Variants in SSC5D observed in about 807,000 individuals in gnomAD.
SSC5D encodes the protein scavenger receptor cysteine rich family member with 5 domains.
SSC5D carries 106 observed loss-of-function variants against 104.6 expected under a neutral mutation model. The ratio of observed to expected loss-of-function variants is 1.01; its 90% CI spans 0.87 to 1.19. The LOEUF is 1.19. SSC5D is among the 50% of genes most tolerant of loss of function. The probability of loss-of-function intolerance (pLI) is 0.00; values close to 1 mark genes in which losing one functional copy is unlikely to be tolerated. For synonymous variants in SSC5D, 860 were observed against 883.5 expected (o/e 0.97, Z 0.47); for missense variants, 1,993 against 2,153.8 (o/e 0.93, Z 1.48).
chr19:55,502,655 ATT>A (rs912103769), intron 12 of SSC5D, among the ~76,000 whole-genome samples: 1 of 151,762 alleles, frequency 6.6e-6, no homozygotes, highest in Non-Finnish European at 1.5e-5. Context: ...TTCATGGTAA[ATT>A]TCTCTCTCTC....
At position 55,517,402 on chromosome 19, in the gene SSC5D, TGACGCTCCG is replaced by T; in HGVS notation, c.3130_3138del (p.Ala1044_Asp1046del). On this transcript the variant is annotated inframe_deletion, in exon 14 of 14. Coordinates refer to ENST00000389623, the MANE Select transcript of SSC5D (RefSeq NM_001144950.2). ...CAGCCTTGACGTCCGAGGCGACCTC[TGACGCTCCG>T]GACACTTCACCACCCACCCCAGACC... is the stretch of plus-strand genomic sequence containing the variant. The T allele has an allele frequency of 6.4e-7, 1 of 1,550,862 alleles. No homozygotes were observed. The highest frequency in any genetic ancestry group is 8.7e-7 in the Non-Finnish European group (1 of 1,146,962).
intron 7 of SSC5D, 35 bp downstream of exon 7, chr19:55,493,947 C>A (rs1047257735): frequency 4.0e-6 from 4 of 1,002,378 alleles, no homozygotes; most frequent in Admixed American, 4.1e-5. Context: ...GGGAGGTGGG[C>A]GTGGTGGTGC....
chr19:55,489,829 G>A, intron 3 of SSC5D, 53 bp from the exon 4 acceptor site: 1 of 1,513,914 alleles, frequency 6.6e-7, no homozygotes, highest in Non-Finnish European at 9.0e-7. Context: ...GACCCAAATG[G>A]CCTGGATTCC....
Position 55,519,054 on chromosome 19 carries a change from A to G in SSC5D, c.*56A>G. 1 of 1,492,866 alleles carries G rather than the reference A, an allele frequency of 6.7e-7. No homozygotes were observed. Among genetic ancestry groups the G allele is most frequent in the Non-Finnish European group, 8.9e-7 (1 of 1,117,754 alleles). 92.5% of individuals were successfully genotyped at this position (1,492,866 alleles called of 1,614,324 possible). On this transcript the variant is annotated 3_prime_UTR_variant, in exon 14 of 14. Transcript: ENST00000389623. ...CCCCCAACCAAAAAAAACAAAAACA[A>G]AAAAAACCCCCAAAGTATCTAATTA...
chr19:55,488,492 C>G lies in SSC5D; in HGVS notation c.-98C>G, dbSNP rs1306186014. The G allele has an allele frequency of 4.3e-6, 5 of 1,160,704 alleles. No homozygotes were observed. Among genetic ancestry groups the G allele is most frequent in the Non-Finnish European group, 6.2e-6 (5 of 800,088 alleles). The allele number at this position is 1,160,704 out of a possible 1,614,324, so 71.9% of individuals were successfully genotyped here. On this transcript the variant is annotated 5_prime_UTR_variant, in exon 1 of 14. Coordinates refer to ENST00000389623, the MANE Select transcript of SSC5D (RefSeq NM_001144950.2). ...CCTCCTCGGGCCTGGGCGCCTCCAG[C>G]AGGCACTTCCCTCCCTCCCTCTCTC... is the stretch of plus-strand genomic sequence containing the variant.
Position 55,491,407 on chromosome 19 carries a change from T to A in SSC5D, c.895+327T>A, listed in dbSNP as rs574246790. 20 of 291,156 alleles carry A rather than the reference T, an allele frequency of 6.9e-5. No homozygotes were observed. The South Asian group carries it at 1.3e-3, about 18-fold the overall frequency. 18.0% of individuals were successfully genotyped at this position (291,156 alleles called of 1,614,324 possible). On this transcript the variant is annotated intron_variant, in intron 6 of 13. Transcript: ENST00000389623. ...ATGCCTGCCTCAGGCTTGAGCCAAG[T>A]CCTGGAACGCAAGAAGCCCTGCCTG...
rs1987951554 is a variant in SSC5D at position 55,518,667 on chromosome 19, G to A, written c.4391G>A (p.Gly1464Asp). The change falls in exon 14 of 14, where the codon GGT (glycine) becomes GAT (aspartate). Residue 1464 changes from glycine (G) to aspartate (D), a missense_variant. Around this residue, in one of 6 missense-constraint regions of SSC5D, gnomAD observed 349 missense variants for 397.6 expected, o/e 0.88. Transcript: ENST00000389623. The stretch of plus-strand genomic sequence containing the variant: ...CCCCTCACCCTAGGGCCAACTCCTG[G>A]TCAGAGCCCAGGCCCCCATGGTCCA... ...LDPLTLGPTP[G>D]QSPGPHGPCV... 1 of 1,545,706 alleles carries A rather than the reference G, an allele frequency of 6.5e-7. No homozygotes were observed. The highest frequency in any genetic ancestry group is 1.2e-5 in the South Asian group (1 of 83,238).
chr19:55,511,975 A>T (rs28603271), intron 12 of SSC5D, among the ~76,000 whole-genome samples: 26,971 of 151,944 alleles, frequency 0.18, 2,546 homozygotes, highest in East Asian at 0.24. Flanking sequence ...CAAGCTTGTG[A>T]GTGGGTAAAC....
chr19:55,490,794 C>G lies in SSC5D; in HGVS notation c.609C>G (p.Gly203=). The stretch of plus-strand genomic sequence containing the variant: ...CAGAGCGGCTGCGCCTGGTCTCTGG[C>G]CCCCACAGGTGCGCCGGACGCCTGG... ...PRQERLRLVS[G]PHRCAGRLEV... The change falls in exon 6 of 14, where the codon GGC becomes GGG. Residue 203 remains glycine, a synonymous_variant. Coordinates refer to ENST00000389623, the MANE Select transcript of SSC5D (RefSeq NM_001144950.2). 6.5e-7 allele frequency: 1 copy of G among 1,541,740 alleles called. No homozygotes were observed. Among genetic ancestry groups the G allele is most frequent in the Non-Finnish European group, 8.7e-7 (1 of 1,144,200 alleles).
At position 55,500,889 on chromosome 19, in the gene SSC5D, G is replaced by C; in HGVS notation, c.2617+85G>C. On this transcript the variant is annotated intron_variant, in intron 11 of 13. Coordinates refer to ENST00000389623, the MANE Select transcript of SSC5D (RefSeq NM_001144950.2). This position sits in a 1 kb window ranked among gnomAD's most constrained non-coding sequence, Gnocchi z 4.6. The stretch of plus-strand genomic sequence containing the variant: ...GGTGGGGCCAGGTGACGGCACCATG[G>C]TCGACTCTAAAGAACTGGGTATGAG... 6.7e-7 allele frequency: 1 copy of C among 1,498,732 alleles called. No individual in the cohort carries two copies. The highest frequency in any genetic ancestry group is 9.0e-7 in the Non-Finnish European group (1 of 1,113,666). The allele number at this position is 1,498,732 out of a possible 1,614,324, so 92.8% of individuals were successfully genotyped here. A position where few individuals can be genotyped will look rare whatever the true frequency, so the allele number is the denominator to read the frequency against.
chr19:55,491,188 G>A lies in SSC5D; in HGVS notation c.895+108G>A, dbSNP rs114803625. 3,419 of 1,275,546 alleles carry A rather than the reference G, an allele frequency of 2.7e-3. 82 individuals carry two copies. In the African/African-American group the frequency reaches 0.045, roughly 17 times the overall value. 79.0% of individuals were successfully genotyped at this position (1,275,546 alleles called of 1,614,324 possible). A position where few individuals can be genotyped will look rare whatever the true frequency, so the allele number is the denominator to read the frequency against. ...CTGCTCCCAGCTCTGCCTCCTGCCC[G>A]CCTGCTCTCTGCATGCCCAGCGCCC... On this transcript the variant is annotated intron_variant, in intron 6 of 13. Transcript: ENST00000389623.
intron 12 of SSC5D, 151 bp from the exon 13 acceptor site, chr19:55,512,860 G>A (rs1987787434): frequency 1.1e-6 from 1 of 884,570 alleles, no homozygotes; most frequent in African/African-American, 1.7e-5. Flanking sequence ...GCTGAATGGA[G>A]AAGGTCTCCA....
In SSC5D at chr19:55,501,040, C is replaced by G. The variant is rs569569053; in HGVS notation, c.2624C>G (p.Thr875Arg). ...EDVGLTCTGY[T>R]DYDDYPPWTW... ...TACCCCAATTTCTCCAAAGGCTACACAGACTATGACGATTATCCCCCCTGG... is the reference window on the plus strand; with the variant it reads ...TACCCCAATTTCTCCAAAGGCTACAGAGACTATGACGATTATCCCCCCTGG... Residue 875 changes from threonine to arginine, a missense_variant, in exon 12 of 14, where the codon ACA (threonine) becomes AGA (arginine). Transcript: ENST00000389623. 7 of 1,551,962 alleles carry G rather than the reference C, an allele frequency of 4.5e-6. No individual in the cohort carries two copies. The East Asian group carries it at 1.2e-4, about 27-fold the overall frequency.
rs944413920 is a variant in SSC5D at position 55,503,976 on chromosome 19, T to C, written c.2785+2775T>C. The C allele has an allele frequency of 2.5e-6, 2 of 795,790 alleles. No individual in the cohort carries two copies. Among genetic ancestry groups the C allele is most frequent in the African/African-American group, 1.8e-5 (1 of 56,610 alleles). 49.3% of individuals were successfully genotyped at this position (795,790 alleles called of 1,614,324 possible). On this transcript the variant is annotated intron_variant, in intron 12 of 13. Transcript: ENST00000389623. This position sits in a 1 kb window ranked among gnomAD's most constrained non-coding sequence, Gnocchi z 4.0. ...GCCGGCGCATCGCCCGCAGTAATAA[T>C]AGCTGGGCGAAGGGCAACCAGGCCC...
At position 55,501,062 on chromosome 19, in the gene SSC5D, CT is replaced by C. The variant is rs1333434224; in HGVS notation, c.2647del (p.Trp883GlyfsTer40). ...ACACAGACTATGACGATTATCCCCC[CT>C]GGACCTGGGACCCCACCTCAAGAGA... ...GYTDYDDYPP[W>X]TWDPTSREDL... On this transcript the variant is annotated frameshift_variant, in exon 12 of 14. Transcript: ENST00000389623. LOFTEE classifies it high-confidence loss of function. 4 of 1,551,938 alleles carry C rather than the reference CT, an allele frequency of 2.6e-6. No homozygotes were observed. Among genetic ancestry groups the C allele is most frequent in the South Asian group, 1.2e-5 (1 of 84,068 alleles).
At chr19:55,506,703 A>G (rs1346311770) in intron 12 of SSC5D, among the ~76,000 whole-genome samples, 4 of 151,874 alleles carry the variant, frequency 2.6e-5, no homozygotes, top group African/African-American at 9.7e-5. Context: ...CGGAGTTTGG[A>G]TTTTTATGGA....
intron 12 of SSC5D, among the ~76,000 whole-genome samples, chr19:55,508,569 A>G (rs1987688426): frequency 6.6e-6 from 1 of 152,152 alleles, no homozygotes; most frequent in African/African-American, 2.4e-5. Context: ...TCCAGATTCC[A>G]CACCCTTGCT....
chr19:55,489,342 TCCAA>T lies in SSC5D; in HGVS notation c.53-9_53-6del. 1 of 1,436,192 alleles carries T rather than the reference TCCAA, an allele frequency of 7.0e-7. No homozygotes were observed. Among genetic ancestry groups the T allele is most frequent in the East Asian group, 2.7e-5 (1 of 36,484 alleles). The allele number at this position is 1,436,192 out of a possible 1,614,324, so 89.0% of individuals were successfully genotyped here. A position where few individuals can be genotyped will look rare whatever the true frequency, so the allele number is the denominator to read the frequency against. On this transcript the variant is annotated splice_polypyrimidine_tract_variant and splice_region_variant and intron_variant, in intron 2 of 13. Coordinates refer to ENST00000389623, the MANE Select transcript of SSC5D (RefSeq NM_001144950.2). ...GCCCCTCCCCAGTCACAGCCATTCC[TCCAA>T]CCCTCAGAGCGCCTGCGCCTGGCCG...
chr19:55,505,748 T>C (rs1224333897), intron 12 of SSC5D, among the ~76,000 whole-genome samples: 1 of 151,800 alleles, frequency 6.6e-6, no homozygotes. Context: ...TTTATTTATT[T>C]ATTTATGAGA....
Sources: allele counts gnomAD v4.1 joint callset (sites outside exome capture counted in the v4.1 genomes callset), GRCh38; gene constraint gnomAD v4.1.1; regional missense constraint gnomAD v4.1.1; non-coding constraint Gnocchi (gnomAD v3.1); transcripts MANE v1.5; gene names NCBI Gene and HGNC (gene_info 2026-07-23, HGNC 2026-07-21).